EIF2AK4: variants seen among roughly 807,000 people sequenced by gnomAD.
EIF2AK4 encodes the protein eIF-2-alpha kinase GCN2.
A neutral mutation model predicts 211.1 loss-of-function variants in EIF2AK4; 139 were observed. The observed-to-expected ratio is 0.66, with a 90% confidence interval of 0.57 to 0.76. EIF2AK4 has a LOEUF of 0.76. Among genes scored for constraint, EIF2AK4 ranks in the 30% least tolerant of loss-of-function variants. The pLI is 0.00. For synonymous variants in EIF2AK4, 710 were observed against 751.3 expected, an observed-to-expected ratio of 0.94 and a Z score of 0.90; for missense variants, 1,664 against 2,043.8, an observed-to-expected ratio of 0.81 and a Z score of 3.58.
intron 13 of EIF2AK4, among the ~76,000 whole-genome samples, chr15:39,982,681 G>A (rs1385471588): frequency 6.6e-6 from 1 of 152,044 alleles, no homozygotes; most frequent in Non-Finnish European, 1.5e-5. Flanking sequence ...TTCTCCTAAA[G>A]CTATCCCTCC....
At chr15:40,022,432 G>A in intron 31 of EIF2AK4, 87 bp from the exon 32 acceptor site, 1 of 1,110,088 alleles carries the variant, frequency 9.0e-7, no homozygotes, top group African/African-American at 1.6e-5. Flanking sequence ...GAATATAATT[G>A]GAAACAGTAT....
intron 11 of EIF2AK4, chr15:39,974,373 G>A (rs944667816): frequency 1.3e-5 from 2 of 152,108 alleles, no homozygotes; most frequent in African/African-American, 4.8e-5. Context: ...CCAGATTATT[G>A]TATTAAGTCC....
At chr15:40,000,856 TTTCAG>T in intron 20 of EIF2AK4, 127 bp from the exon 21 acceptor site, 1 of 862,406 alleles carries the variant, frequency 1.2e-6, no homozygotes, top group Non-Finnish European at 1.8e-6. Flanking sequence ...TATTCAGAAA[TTTCAG>T]AATGTCAGTT....
At chr15:39,961,947 TA>T in intron 7 of EIF2AK4, 48 bp downstream of exon 7, 3 of 1,456,648 alleles carry the variant, frequency 2.1e-6, no homozygotes, top group African/African-American at 1.4e-5. Flanking sequence ...TGGCAAAAGT[TA>T]ATCACAAAGG....
intron 4 of EIF2AK4, among the ~76,000 whole-genome samples, chr15:39,952,514 A>G (rs969282419): frequency 1.3e-5 from 2 of 152,084 alleles, no homozygotes; most frequent in Non-Finnish European, 2.9e-5. Flanking sequence ...GGGCTCAACC[A>G]ATCCTCTGGC....
In EIF2AK4 at chr15:40,022,615, T is replaced by A. The variant is rs760145559; in HGVS notation, c.4389+10T>A. On this transcript the variant is annotated intron_variant, in intron 32 of 38. Coordinates refer to ENST00000263791, the MANE Select transcript of EIF2AK4 (RefSeq NM_001013703.4). The stretch of plus-strand genomic sequence containing the variant: ...AGGAAGCCATGTCAAGGTAAAGACG[T>A]CAGAGATTTTTTACAATTCAATAGT... 1.7e-5 allele frequency: 27 copies of A among 1,613,266 alleles called. No homozygotes were observed. Among genetic ancestry groups the A allele is most frequent in the Non-Finnish European group, 4.2e-6 (5 of 1,179,328 alleles).
At chr15:39,939,364 A>T (rs1001515327) in intron 1 of EIF2AK4, 141 bp from the exon 2 acceptor site, 40 of 500,832 alleles carry the variant, frequency 8.0e-5, no homozygotes, top group South Asian at 5.0e-5. Flanking sequence ...TGCTTTTGGA[A>T]AGTATGCCAG....
At chr15:40,016,266 A>T (rs1452670128) in intron 27 of EIF2AK4, among the ~76,000 whole-genome samples, 2 of 152,236 alleles carry the variant, frequency 1.3e-5, no homozygotes, top group East Asian at 3.8e-4. Flanking sequence ...GAGTAAATGT[A>T]TCTGAATAAA....
chr15:40,017,230 A>G lies in EIF2AK4; in HGVS notation c.4053A>G (p.Arg1351=), dbSNP rs768207932. Residue 1351 remains arginine, a synonymous_variant, in exon 29 of 39, where the codon AGA becomes AGG. Coordinates refer to ENST00000263791, the MANE Select transcript of EIF2AK4 (RefSeq NM_001013703.4). Reference sequence around the variant, plus strand: ...CTGAAATCCTCGCAGCTGGAGGCAGATATGACCTGCTGGTGAGGGCTTGCC... The same window carrying G: ...CTGAAATCCTCGCAGCTGGAGGCAGGTATGACCTGCTGGTGAGGGCTTGCC... ...AVPEILAAGG[R]YDLLIPQFRG... is the part of the protein sequence containing the mutation. 6.2e-7 allele frequency: 1 copy of G among 1,613,214 alleles called. No homozygotes were observed. The highest frequency in any genetic ancestry group is 1.1e-5 in the South Asian group (1 of 91,038).
intron 5 of EIF2AK4, 92 bp downstream of exon 5, chr15:39,954,076 C>G: frequency 9.3e-7 from 1 of 1,073,972 alleles, no homozygotes; most frequent in Non-Finnish European, 1.3e-6. Context: ...ATCAGTAATA[C>G]AGCTTAAAAT....
At chr15:39,946,735 A>G in intron 3 of EIF2AK4, 1 of 687,380 alleles carries the variant, frequency 1.5e-6, no homozygotes, top group Non-Finnish European at 2.7e-6. Context: ...TCTTCTTTTA[A>G]GAAATTGCCG....
At chr15:39,951,549 A>G in intron 4 of EIF2AK4, 1 of 335,930 alleles carries the variant, frequency 3.0e-6, no homozygotes, top group South Asian at 2.4e-5. Context: ...CTGTTTTAAA[A>G]TCCTGAGCAA....
In EIF2AK4 at chr15:40,032,755, A is replaced by G. The variant is rs777377683; in HGVS notation, c.4729-2A>G. 5 of 1,613,566 alleles carry G rather than the reference A, an allele frequency of 3.1e-6. No individual in the cohort carries two copies. The highest frequency in any genetic ancestry group is 4.2e-6 in the Non-Finnish European group (5 of 1,179,658). ...TTGATGTACATTTGTGTGTATTCACAGGTGGATCTACCCAAAGAAACAATA... is the reference window on the plus strand; with the variant it reads ...TTGATGTACATTTGTGTGTATTCACGGGTGGATCTACCCAAAGAAACAATA... On this transcript the variant is annotated splice_acceptor_variant, in intron 36 of 38. Coordinates refer to ENST00000263791, the MANE Select transcript of EIF2AK4 (RefSeq NM_001013703.4). LOFTEE classifies it high-confidence loss of function.
Position 39,973,302 on chromosome 15 carries a change from C to A in EIF2AK4, c.1660+288C>A, listed in dbSNP as rs8030640. On this transcript the variant is annotated intron_variant, in intron 10 of 38. Coordinates refer to ENST00000263791, the MANE Select transcript of EIF2AK4 (RefSeq NM_001013703.4). ...TCCTGCTGCACCTGAGATTAAGGAA[C>A]CTCGGTAGAGATTGGGATGGATCAT... 0.3 allele frequency among the ~76,000 whole-genome samples: 45,959 copies of A among 151,976 alleles called. 7,057 individuals are homozygous for A. The highest frequency in any genetic ancestry group is 0.35 in the African/African-American group (14,404 of 41,396).
chr15:40,028,381 T>G (rs1194771241), intron 33 of EIF2AK4, among the ~76,000 whole-genome samples: 2 of 152,222 alleles, frequency 1.3e-5, no homozygotes, highest in African/African-American at 4.8e-5. Flanking sequence ...GTAATTTTTC[T>G]GGCTTACATC....
At chr15:39,938,508 T>C (rs2034099767) in intron 1 of EIF2AK4, among the ~76,000 whole-genome samples, 1 of 152,242 alleles carries the variant, frequency 6.6e-6, no homozygotes, top group African/African-American at 2.4e-5. Flanking sequence ...ATAAGTACTT[T>C]GCTTCCCTAA....
intron 30 of EIF2AK4, among the ~76,000 whole-genome samples, chr15:40,019,564 C>G (rs2035355328): frequency 1.3e-5 from 2 of 152,152 alleles, no homozygotes; most frequent in South Asian, 4.1e-4. Context: ...GCATTAGATT[C>G]TATAGGAGCA....
Position 39,996,946 on chromosome 15 carries a change from A to G in EIF2AK4, c.2767-18A>G, listed in dbSNP as rs1452470315. ...TTCATATCAAGGCTCTCTAAATGCA[A>G]TTATTCTTCCCCCTCAGAAAGTGGA... On this transcript the variant is annotated intron_variant, in intron 18 of 38. Coordinates refer to ENST00000263791, the MANE Select transcript of EIF2AK4 (RefSeq NM_001013703.4). 6.5e-7 allele frequency: 1 copy of G among 1,542,502 alleles called. No individual in the cohort carries two copies. The highest frequency in any genetic ancestry group is 9.0e-7 in the Non-Finnish European group (1 of 1,115,344).
Position 39,934,280 on chromosome 15 carries a change from G to T in EIF2AK4, c.85G>T (p.Ala29Ser). Residue 29 changes from alanine to serine, a missense_variant, in exon 1 of 39, where the codon GCC (alanine) becomes TCC (serine). This residue lies in a region of EIF2AK4 where 641 missense variants were observed against 729.6 expected (regional missense o/e 0.88). Coordinates refer to ENST00000263791, the MANE Select transcript of EIF2AK4 (RefSeq NM_001013703.4). ...YPQRQDHELQALEAIYGADFQ... is the reference protein window; with the variant it reads ...YPQRQDHELQSLEAIYGADFQ... Reference sequence around the variant, plus strand: ...GCAACGACAGGACCACGAGCTACAGGCCCTGGAGGCCATTTACGGCGCGGA... The same window carrying T: ...GCAACGACAGGACCACGAGCTACAGTCCCTGGAGGCCATTTACGGCGCGGA... The T allele has an allele frequency of 6.2e-7, 1 of 1,611,958 alleles. No homozygotes were observed.
Sources: allele counts gnomAD v4.1 joint callset (sites outside exome capture counted in the v4.1 genomes callset), GRCh38; gene constraint gnomAD v4.1.1; regional missense constraint gnomAD v4.1.1; transcripts MANE v1.5; gene names NCBI Gene and HGNC (gene_info 2026-07-23, HGNC 2026-07-21).